Variants in MAP2K5 observed in about 807,000 individuals in gnomAD.
The protein encoded by MAP2K5 is dual specificity mitogen-activated protein kinase kinase 5.
In MAP2K5, 49 loss-of-function variants were observed where a neutral mutation model predicts 83.1. The observed-to-expected ratio is 0.59, with a 90% confidence interval of 0.47 to 0.75. The LOEUF (loss-of-function observed/expected upper bound fraction) is 0.75, where lower values mean the gene tolerates loss of function less well. Ranked by LOEUF, MAP2K5 falls within the 30% of genes least tolerant of loss-of-function variation. The probability of loss-of-function intolerance (pLI) is 0.00; values close to 1 mark genes in which losing one functional copy is unlikely to be tolerated. For missense variants in MAP2K5, 457 were observed against 557.5 expected, an observed-to-expected ratio of 0.82 and a Z score of 1.82; for synonymous variants, 202 against 191.8, an observed-to-expected ratio of 1.05 and a Z score of -0.44.
At chr15:67,641,344 A>G (rs2086706608) in intron 9 of MAP2K5, 1 of 249,252 alleles carries the variant, frequency 4.0e-6, no homozygotes, top group Non-Finnish European at 7.0e-6. Flanking sequence ...TCTGAGTTGT[A>G]CATACTGTAA....
At chr15:67,628,309 G>A (rs1168050762) in intron 8 of MAP2K5, 23 of 503,844 alleles carry the variant, frequency 4.6e-5, no homozygotes, top group South Asian at 3.5e-4. Context: ...GTGAAACCCC[G>A]TCTCTACTAA....
rs60404013 is a variant in MAP2K5, at chr15:67,695,138, T to C, written c.972+1570T>C. Among the ~76,000 whole-genome samples the C allele has an allele frequency of 7.7e-3, 1,148 of 149,884 alleles. 17 individuals carry two copies. Among genetic ancestry groups the C allele is most frequent in the African/African-American group, 0.027 (1,098 of 40,602 alleles). Reference sequence around the variant, plus strand: ...TTGGGGGGAGGGGGGAGGGATGGCATTGGGAGATATACCTAATGCTAGATG... The same window carrying C: ...TTGGGGGGAGGGGGGAGGGATGGCACTGGGAGATATACCTAATGCTAGATG... On this transcript the variant is annotated intron_variant, in intron 15 of 21. Transcript: ENST00000178640.
At chr15:67,631,032 G>C in intron 9 of MAP2K5, 105 bp downstream of exon 9, 2 of 841,958 alleles carry the variant, frequency 2.4e-6, no homozygotes, top group Non-Finnish European at 3.8e-6. Flanking sequence ...AATGGCTTAA[G>C]GTTTAGATGG....
At chr15:67,567,045 A>G (rs1191482145) in intron 3 of MAP2K5, among the ~76,000 whole-genome samples, 1 of 152,238 alleles carries the variant, frequency 6.6e-6, no homozygotes, top group Non-Finnish European at 1.5e-5. Context: ...TAGAAGTTGT[A>G]TTCTTTTCTT....
chr15:67,566,165 C>T (rs2084833666), intron 3 of MAP2K5, among the ~76,000 whole-genome samples: 1 of 151,846 alleles, frequency 6.6e-6, no homozygotes, highest in Non-Finnish European at 1.5e-5. Flanking sequence ...CTGTTTTTTT[C>T]TTTTGTTTTT....
rs1374445887 is a variant in MAP2K5 at position 67,637,520 on chromosome 15, G to T, written c.585+6593G>T. Among the ~76,000 whole-genome samples, 1 of 152,118 alleles carries T rather than the reference G, an allele frequency of 6.6e-6. No individual in the cohort carries two copies. The highest frequency in any genetic ancestry group is 1.5e-5 in the Non-Finnish European group (1 of 68,024). On this transcript the variant is annotated intron_variant, in intron 9 of 21. Transcript: ENST00000178640. The surrounding 1 kb of genome is among the most constrained non-coding windows in gnomAD (Gnocchi z 4.5). ...TGGGAATACAAACTTTTCTTGCCCA[G>T]TATTAATCTGGAGATCGTTTCTTCT... is the stretch of plus-strand genomic sequence containing the variant.
Position 67,610,859 on chromosome 15 carries a change from A to G in MAP2K5, c.545+10110A>G, listed in dbSNP as rs556117938. Among the ~76,000 whole-genome samples the G allele has an allele frequency of 7.6e-4, 115 of 152,298 alleles. 1 individual carries two copies. The highest frequency in any genetic ancestry group is 2.7e-3 in the African/African-American group (111 of 41,566). On this transcript the variant is annotated intron_variant, in intron 8 of 21. Transcript: ENST00000178640. ...GACTTTATATCATGTTGTCTTCTTGACCCTAAAATTTCCTTACTTTTCCTT... is the reference window on the plus strand; with the variant it reads ...GACTTTATATCATGTTGTCTTCTTGGCCCTAAAATTTCCTTACTTTTCCTT...
intron 17 of MAP2K5, among the ~76,000 whole-genome samples, chr15:67,741,976 A>C (rs934830090): frequency 2.6e-5 from 4 of 151,618 alleles, no homozygotes. Flanking sequence ...CTCACTGCAA[A>C]CTCTGCCTCC....
At chr15:67,806,533 C>A in intron 21 of MAP2K5, 113 bp from the exon 22 acceptor site, 1 of 921,868 alleles carries the variant, frequency 1.1e-6, no homozygotes, top group Non-Finnish European at 1.6e-6. Context: ...CTCGTTACCT[C>A]ACAGGGTTAC....
rs929163856 is a variant in MAP2K5, at chr15:67,636,280, C to T, written c.585+5353C>T. 3.9e-5 allele frequency among the ~76,000 whole-genome samples: 6 copies of T among 152,154 alleles called. No individual in the cohort carries two copies. The highest frequency in any genetic ancestry group is 7.2e-5 in the African/African-American group (3 of 41,510). The stretch of plus-strand genomic sequence containing the variant: ...AAAATTAGCTGGCCGTGGTGTCGGG[C>T]GCTTGTAGTCCCAGCTACTCAGGAG... On this transcript the variant is annotated intron_variant, in intron 9 of 21. Coordinates refer to ENST00000178640, the MANE Select transcript of MAP2K5 (RefSeq NM_145160.3). The surrounding 1 kb of genome is among the most constrained non-coding windows in gnomAD (Gnocchi z 4.7).
chr15:67,646,129 GAAGAAT>G, intron 9 of MAP2K5, 96 bp from the exon 10 acceptor site: 1 of 551,592 alleles, frequency 1.8e-6, no homozygotes, highest in Non-Finnish European at 3.2e-6. Flanking sequence ...AGGAGGTGGG[GAAGAAT>G]AAAGGAACTA....
At chr15:67,680,819 G>C (rs112058422) in intron 13 of MAP2K5, among the ~76,000 whole-genome samples, 1,533 of 152,310 alleles carry the variant, frequency 0.01, 29 homozygotes, top group African/African-American at 0.035. Flanking sequence ...TATTGTGACA[G>C]GAGACACATG....
Position 67,764,147 on chromosome 15 carries a change from C to G in MAP2K5, c.1135-5455C>G, listed in dbSNP as rs2090000379. Among the ~76,000 whole-genome samples, 1 of 152,180 alleles carries G rather than the reference C, an allele frequency of 6.6e-6. No individual in the cohort carries two copies. Among genetic ancestry groups the G allele is most frequent in the South Asian group, 2.1e-4 (1 of 4,834 alleles). Reference sequence around the variant, plus strand: ...ATGCTGGTTTAATCCAACCACAGTACAGCTGACCTCAGAATTCACCAGTGC... The same window carrying G: ...ATGCTGGTTTAATCCAACCACAGTAGAGCTGACCTCAGAATTCACCAGTGC... On this transcript the variant is annotated intron_variant, in intron 19 of 21. Coordinates refer to ENST00000178640, the MANE Select transcript of MAP2K5 (RefSeq NM_145160.3). The surrounding 1 kb of genome is among the most constrained non-coding windows in gnomAD (Gnocchi z 4.9).
At chr15:67,623,359 C>G (rs1385925749) in intron 8 of MAP2K5, among the ~76,000 whole-genome samples, 1 of 152,176 alleles carries the variant, frequency 6.6e-6, no homozygotes, top group African/African-American at 2.4e-5. Context: ...TACCAGATGG[C>G]TCTTTTAATT....
chr15:67,784,736 AG>A (rs1161334647), intron 21 of MAP2K5, among the ~76,000 whole-genome samples: 1 of 152,240 alleles, frequency 6.6e-6, no homozygotes, highest in Non-Finnish European at 1.5e-5. Context: ...CTGAGGGCAG[AG>A]TGTGTCCTGA....
chr15:67,772,686 GT>G lies in MAP2K5; in HGVS notation c.1197-14del, dbSNP rs989939309. 10 of 1,534,742 alleles carry G rather than the reference GT, an allele frequency of 6.5e-6. No homozygotes were observed. Among genetic ancestry groups the G allele is most frequent in the Admixed American group, 4.1e-5 (2 of 48,960 alleles). On this transcript the variant is annotated intron_variant, in intron 20 of 21. Transcript: ENST00000178640. ...ACAAATGACACAGATAACATAAGGG[GT>G]TTTTTTCTCTCCACTATAGTATGCG...
chr15:67,588,189 C>A, intron 6 of MAP2K5: 1 of 714,472 alleles, frequency 1.4e-6, no homozygotes, highest in Non-Finnish European at 1.7e-6. Flanking sequence ...GCTTGCTGGC[C>A]CACCTCTGTA....
intron 9 of MAP2K5, among the ~76,000 whole-genome samples, chr15:67,634,527 T>C (rs2086555424): frequency 6.6e-6 from 1 of 152,068 alleles, no homozygotes; most frequent in African/African-American, 2.4e-5. Context: ...TATCAATTAC[T>C]GAAAGAGGGG....
intron 21 of MAP2K5, among the ~76,000 whole-genome samples, chr15:67,792,407 C>G (rs1005700075): frequency 7.9e-5 from 12 of 152,066 alleles, no homozygotes; most frequent in African/African-American, 1.2e-4. Context: ...TTGGGGCTAC[C>G]AGGACTTGAA....
Sources: allele counts gnomAD v4.1 joint callset (sites outside exome capture counted in the v4.1 genomes callset), GRCh38; gene constraint gnomAD v4.1.1; non-coding constraint Gnocchi (gnomAD v3.1); transcripts MANE v1.5; gene names NCBI Gene and HGNC (gene_info 2026-07-23, HGNC 2026-07-21).